Variants in ADCY2 observed in about 807,000 individuals in gnomAD.
ADCY2 encodes adenylate cyclase type 2.
A neutral mutation model predicts 125.2 loss-of-function variants in ADCY2; 31 were observed. The observed-to-expected ratio is 0.25, with a 90% CI of 0.19 to 0.33. ADCY2 has a LOEUF of 0.33. Ranked by LOEUF, ADCY2 falls within the 10% of genes least tolerant of loss-of-function variation. The pLI is 1.00. For synonymous variants in ADCY2, 512 were observed against 548.4 expected (o/e 0.93, Z 0.93); for missense variants, 904 against 1,418.2 (o/e 0.64, Z 5.82).
chr5:7,683,663 G>C (rs1740413008), intron 4 of ADCY2, among the ~76,000 whole-genome samples: 1 of 152,156 alleles, frequency 6.6e-6, no homozygotes, highest in Admixed American at 6.5e-5. Context: ...TGCCTCCCAG[G>C]GGGGCATGGG....
intron 3 of ADCY2, among the ~76,000 whole-genome samples, chr5:7,544,864 G>A (rs1349835260): frequency 6.6e-6 from 1 of 152,212 alleles, no homozygotes; most frequent in Non-Finnish European, 1.5e-5. Flanking sequence ...AAACCCAGGA[G>A]TAACCTGGCT....
chr5:7,589,336 A>G lies in ADCY2; in HGVS notation c.571-36831A>G, dbSNP rs1736736512. Reference sequence around the variant, plus strand: ...TTTTGTTTTTACAAAATATGCATAGACAAAGTAAAAAAGACTGGAAAGAAA... The same window carrying G: ...TTTTGTTTTTACAAAATATGCATAGGCAAAGTAAAAAAGACTGGAAAGAAA... On this transcript the variant is annotated intron_variant, in intron 3 of 24. Transcript: ENST00000338316. Among the ~76,000 whole-genome samples, 8 of 151,514 alleles carry G rather than the reference A, an allele frequency of 5.3e-5. No individual in the cohort carries two copies. In the South Asian group the frequency reaches 1.5e-3, roughly 28 times the overall value.
At chr5:7,447,461 GA>G (rs1741309152) in intron 2 of ADCY2, among the ~76,000 whole-genome samples, 1 of 152,148 alleles carries the variant, frequency 6.6e-6, no homozygotes, top group South Asian at 2.1e-4. Flanking sequence ...TGAGATCCTG[GA>G]CCTCAGGGCC....
intron 3 of ADCY2, among the ~76,000 whole-genome samples, chr5:7,601,236 T>C (rs769212150): frequency 1.6e-4 from 24 of 152,182 alleles, no homozygotes; most frequent in Admixed American, 1.6e-3. Context: ...TCCAGGTTTT[T>C]CTTTTGACAG....
At chr5:7,763,060 T>TTTG in intron 16 of ADCY2, among the ~76,000 whole-genome samples, 1 of 149,762 alleles carries the variant, frequency 6.7e-6, no homozygotes, top group South Asian at 2.1e-4. Context: ...TTTTTGTTTG[T>TTTG]TTGTTTGTTT....
At chr5:7,678,206 A>T (rs1740200490) in intron 4 of ADCY2, among the ~76,000 whole-genome samples, 1 of 152,142 alleles carries the variant, frequency 6.6e-6, no homozygotes, top group South Asian at 2.1e-4. Context: ...GCAGGGCTGC[A>T]GTTTATAAGT....
At chr5:7,574,807 A>T (rs1421354400) in intron 3 of ADCY2, among the ~76,000 whole-genome samples, 1 of 152,204 alleles carries the variant, frequency 6.6e-6, no homozygotes, top group Non-Finnish European at 1.5e-5. Flanking sequence ...CAATGAATGC[A>T]TGCAAAAATT....
At chr5:7,592,938 C>T (rs1362974331) in intron 3 of ADCY2, among the ~76,000 whole-genome samples, 1 of 152,100 alleles carries the variant, frequency 6.6e-6, no homozygotes, top group Non-Finnish European at 1.5e-5. Context: ...AGAATTCCTC[C>T]TGGGATTGTG....
intron 14 of ADCY2, among the ~76,000 whole-genome samples, chr5:7,736,551 T>A (rs1205562375): frequency 5.9e-5 from 9 of 152,176 alleles, no homozygotes; most frequent in Non-Finnish European, 1.3e-4. Flanking sequence ...GGTCATCAGA[T>A]ACATTCACAA....
chr5:7,748,578 G>A (rs896052479), intron 15 of ADCY2, among the ~76,000 whole-genome samples: 1 of 147,982 alleles, frequency 6.8e-6, no homozygotes, highest in Admixed American at 6.6e-5. Context: ...TGCTGAAGAA[G>A]CTGTAATCAG....
chr5:7,485,194 G>A (rs1270861277), intron 2 of ADCY2, among the ~76,000 whole-genome samples: 1 of 152,080 alleles, frequency 6.6e-6, no homozygotes, highest in Non-Finnish European at 1.5e-5. Flanking sequence ...AATAGATATG[G>A]CTATGCAGAC....
chr5:7,796,457 GCA>G (rs1261704223), intron 20 of ADCY2: 1 of 152,186 alleles, frequency 6.6e-6, no homozygotes. Context: ...CTGCATCAAT[GCA>G]CAAAAGGAAA....
intron 2 of ADCY2, among the ~76,000 whole-genome samples, chr5:7,466,535 C>T (rs1337993535): frequency 6.6e-6 from 1 of 152,198 alleles, no homozygotes; most frequent in Non-Finnish European, 1.5e-5. Flanking sequence ...TAAGCCCTGC[C>T]AGGCCAGCTC....
At chr5:7,470,944 T>G (rs1742312941) in intron 2 of ADCY2, among the ~76,000 whole-genome samples, 1 of 151,890 alleles carries the variant, frequency 6.6e-6, no homozygotes, top group Admixed American at 6.6e-5. Flanking sequence ...TTTGAAGCTG[T>G]GTTGCTAAGT....
At chr5:7,641,165 C>T (rs1056006108) in intron 4 of ADCY2, among the ~76,000 whole-genome samples, 3 of 152,190 alleles carry the variant, frequency 2.0e-5, no homozygotes, top group African/African-American at 7.2e-5. Context: ...GACCCAGACA[C>T]TCTATGATAC....
intron 14 of ADCY2, among the ~76,000 whole-genome samples, chr5:7,732,949 C>T (rs1255262619): frequency 6.6e-6 from 1 of 152,208 alleles, no homozygotes; most frequent in Non-Finnish European, 1.5e-5. Context: ...CTCTCTCACT[C>T]TGTCTGCCCT....
At chr5:7,620,474 T>C (rs1737919097) in intron 3 of ADCY2, among the ~76,000 whole-genome samples, 1 of 152,214 alleles carries the variant, frequency 6.6e-6, no homozygotes, top group African/African-American at 2.4e-5. Flanking sequence ...TAAAGATCAC[T>C]GGATGTCATT....
intron 2 of ADCY2, among the ~76,000 whole-genome samples, chr5:7,462,467 C>T (rs1741949784): frequency 6.6e-6 from 1 of 152,140 alleles, no homozygotes; most frequent in South Asian, 2.1e-4. Flanking sequence ...ACTTAATAAG[C>T]AATGTAGTTG....
chr5:7,749,093 C>T (rs1244788929), intron 15 of ADCY2, among the ~76,000 whole-genome samples: 1 of 152,178 alleles, frequency 6.6e-6, no homozygotes, highest in Non-Finnish European at 1.5e-5. Context: ...CCAAAGTTGC[C>T]TTGTGACTAC....
Sources: gnomAD v4.1 joint callset for allele counts (sites outside exome capture counted in the v4.1 genomes callset) on GRCh38, gnomAD v4.1.1 for gene constraint, MANE v1.5 for transcripts, NCBI Gene and HGNC (gene_info 2026-07-23, HGNC 2026-07-21) for gene names.